Variants in TRIM44 observed in about 807,000 individuals in gnomAD.
TRIM44 encodes the protein tripartite motif-containing protein 44.
In TRIM44, 13 loss-of-function variants were observed where a neutral mutation model predicts 37.4. The ratio of observed to expected loss-of-function variants is 0.35; its 90% CI spans 0.23 to 0.55. The LOEUF is 0.55. Ranked by LOEUF, TRIM44 falls within the 20% of genes least tolerant of loss-of-function variation. The pLI, the probability that TRIM44 is intolerant of heterozygous loss-of-function variation, is 0.89. For synonymous variants in TRIM44, 175 were observed against 157.2 expected (o/e 1.11, Z -0.85); for missense variants, 426 against 437.2 (o/e 0.97, Z 0.23).
intron 4 of TRIM44, among the ~76,000 whole-genome samples, chr11:35,758,376 T>A (rs943936856): frequency 3.3e-5 from 5 of 152,216 alleles, no homozygotes; most frequent in African/African-American, 9.6e-5. Context: ...ATCCCTTTAT[T>A]TTGAGCCTAT....
At chr11:35,676,952 G>T (rs1455496443) in intron 1 of TRIM44, among the ~76,000 whole-genome samples, 2 of 152,132 alleles carry the variant, frequency 1.3e-5, no homozygotes, top group African/African-American at 4.8e-5. Context: ...GTTGAATTTT[G>T]TCTGTTGCTG....
chr11:35,716,271 G>A (rs890107482), intron 2 of TRIM44, among the ~76,000 whole-genome samples: 25 of 152,192 alleles, frequency 1.6e-4, no homozygotes, highest in African/African-American at 5.5e-4. Flanking sequence ...TCAAGAACAA[G>A]TTGGAGTTAG....
At chr11:35,718,294 C>T (rs967119121) in intron 2 of TRIM44, among the ~76,000 whole-genome samples, 2 of 152,078 alleles carry the variant, frequency 1.3e-5, no homozygotes, top group Non-Finnish European at 2.9e-5. Context: ...ACCCCACCCC[C>T]AGATCTTCTC....
chr11:35,811,275 C>CGA lies in TRIM44; in HGVS notation c.*4890_*4891insGA, dbSNP rs1452855876. The CGA allele has an allele frequency of 6.6e-6, 1 of 152,106 alleles. No homozygotes were observed. The highest frequency in any genetic ancestry group is 2.4e-5 in the African/African-American group (1 of 41,418). 9.4% of individuals were successfully genotyped at this position (152,106 alleles called of 1,614,324 possible). On this transcript the variant is annotated 3_prime_UTR_variant, in exon 5 of 5. Coordinates refer to ENST00000299413, the MANE Select transcript of TRIM44 (RefSeq NM_017583.6). ...ATTATTTAGTGATAAGTTTTCTCCT[C>CGA]AAAGTAAAATGATCCAGGCCTAGAT...
In TRIM44 at chr11:35,809,471, T is replaced by A. The variant is rs1292073046; in HGVS notation, c.*3086T>A. ...TTAGGGCTCAGAAATGGCATTGAGGTAGCCTTATTTCTCCCCTTTAGCAGA... is the reference window on the plus strand; with the variant it reads ...TTAGGGCTCAGAAATGGCATTGAGGAAGCCTTATTTCTCCCCTTTAGCAGA... On this transcript the variant is annotated 3_prime_UTR_variant, in exon 5 of 5. Transcript: ENST00000299413. The A allele has an allele frequency of 6.6e-6, 1 of 152,202 alleles. No homozygotes were observed. The highest frequency in any genetic ancestry group is 1.5e-5 in the Non-Finnish European group (1 of 68,036). 9.4% of individuals were successfully genotyped at this position (152,202 alleles called of 1,614,324 possible). A position where few individuals can be genotyped will look rare whatever the true frequency, so the allele number is the denominator to read the frequency against.
intron 4 of TRIM44, among the ~76,000 whole-genome samples, chr11:35,756,080 A>G (rs1852634048): frequency 6.6e-6 from 1 of 152,216 alleles, no homozygotes; most frequent in Admixed American, 6.5e-5. Context: ...CATTGAATCT[A>G]TAAATTACCT....
chr11:35,800,721 G>A (rs1263704387), intron 4 of TRIM44, among the ~76,000 whole-genome samples: 3 of 152,184 alleles, frequency 2.0e-5, no homozygotes, highest in African/African-American at 7.2e-5. Flanking sequence ...GTGGTGATGG[G>A]ATAGAGAGGG....
At chr11:35,725,380 G>A (rs1022488503) in intron 2 of TRIM44, among the ~76,000 whole-genome samples, 7 of 152,060 alleles carry the variant, frequency 4.6e-5, no homozygotes, top group African/African-American at 1.4e-4. Context: ...GTTGCCCAGG[G>A]TGGAGTGCAG....
intron 4 of TRIM44, among the ~76,000 whole-genome samples, chr11:35,805,127 C>A (rs1467689709): frequency 6.6e-6 from 1 of 152,168 alleles, no homozygotes; most frequent in African/African-American, 2.4e-5. Flanking sequence ...ACAGACCTTA[C>A]TATGTGACCC....
At chr11:35,794,684 C>T (rs1280736670) in intron 4 of TRIM44, among the ~76,000 whole-genome samples, 5 of 152,218 alleles carry the variant, frequency 3.3e-5, no homozygotes, top group Non-Finnish European at 7.3e-5. Context: ...TCAAAGTAAG[C>T]TGTTCATGAG....
chr11:35,783,981 A>G (rs928217262), intron 4 of TRIM44, among the ~76,000 whole-genome samples: 7 of 152,220 alleles, frequency 4.6e-5, no homozygotes, highest in African/African-American at 1.2e-4. Flanking sequence ...CACCCCATCT[A>G]TCAGCCTCAC....
chr11:35,709,426 A>G (rs1366631718), intron 2 of TRIM44, among the ~76,000 whole-genome samples: 1 of 151,976 alleles, frequency 6.6e-6, no homozygotes, highest in Admixed American at 6.5e-5. Flanking sequence ...AAAGGGATGA[A>G]ACAAAAAAAT....
intron 4 of TRIM44, among the ~76,000 whole-genome samples, chr11:35,783,910 G>A (rs1240718246): frequency 1.3e-5 from 2 of 152,164 alleles, no homozygotes; most frequent in Non-Finnish European, 2.9e-5. Flanking sequence ...GGTGCCCCAA[G>A]GTCTTCTGGC....
chr11:35,716,036 G>T (rs1852036271), intron 2 of TRIM44, among the ~76,000 whole-genome samples: 1 of 152,122 alleles, frequency 6.6e-6, no homozygotes, highest in African/African-American at 2.4e-5. Flanking sequence ...TTTGGGTGGG[G>T]ACACAGATCC....
chr11:35,704,413 C>A (rs1851843636), intron 2 of TRIM44, among the ~76,000 whole-genome samples: 1 of 152,054 alleles, frequency 6.6e-6, no homozygotes, highest in African/African-American at 2.4e-5. Context: ...ACAGGGAACG[C>A]CACAAAGATA....
At chr11:35,697,612 C>T (rs1851721795) in intron 2 of TRIM44, among the ~76,000 whole-genome samples, 1 of 151,768 alleles carries the variant, frequency 6.6e-6, no homozygotes. Flanking sequence ...GCTCCCCACA[C>T]CCCACAACAG....
intron 4 of TRIM44, among the ~76,000 whole-genome samples, chr11:35,792,170 T>C (rs1853224751): frequency 6.6e-6 from 1 of 151,902 alleles, no homozygotes; most frequent in Non-Finnish European, 1.5e-5. Context: ...ATCCACTATC[T>C]GAAATTATTT....
intron 2 of TRIM44, among the ~76,000 whole-genome samples, chr11:35,712,908 C>T (rs1038842747): frequency 2.6e-5 from 4 of 152,032 alleles, no homozygotes; most frequent in Non-Finnish European, 5.9e-5. Context: ...CTCTCCTGTC[C>T]CCCTCCTTCC....
chr11:35,747,221 G>A (rs868741976), intron 4 of TRIM44, among the ~76,000 whole-genome samples: 2 of 152,108 alleles, frequency 1.3e-5, no homozygotes, highest in African/African-American at 2.4e-5. Context: ...GATTGTCCAG[G>A]GTTAATAGTT....
Sources: allele counts gnomAD v4.1 joint callset (sites outside exome capture counted in the v4.1 genomes callset), GRCh38; gene constraint gnomAD v4.1.1; transcripts MANE v1.5; gene names NCBI Gene and HGNC (gene_info 2026-07-23, HGNC 2026-07-21).